CTTNBP2: variants seen among roughly 807,000 people sequenced by gnomAD.
The protein encoded by CTTNBP2 is cortactin-binding protein 2.
CTTNBP2 carries 108 observed loss-of-function variants against 156.9 expected under a neutral mutation model. The observed-to-expected ratio is 0.69, with a 90% confidence interval of 0.59 to 0.81. The LOEUF is 0.81. CTTNBP2 is among the 30% of genes least tolerant of loss of function. The pLI is 0.00. For synonymous variants in CTTNBP2, 767 were observed against 751.8 expected, an observed-to-expected ratio of 1.02 and a Z score of -0.33; for missense variants, 1,924 against 2,035.4, an observed-to-expected ratio of 0.95 and a Z score of 1.05.
At chr7:117,795,888 A>G (rs1799286346) in intron 3 of CTTNBP2, among the ~76,000 whole-genome samples, 1 of 152,168 alleles carries the variant, frequency 6.6e-6, no homozygotes. Context: ...ACATGGCTCT[A>G]AACTCAAACT....
At chr7:117,754,365 C>T (rs1423330702) in intron 12 of CTTNBP2, among the ~76,000 whole-genome samples, 2 of 152,206 alleles carry the variant, frequency 1.3e-5, no homozygotes, top group Non-Finnish European at 2.9e-5. Flanking sequence ...CATCACATTA[C>T]ATGTGCATTT....
chr7:117,723,965 A>G (rs1313503009), intron 19 of CTTNBP2, among the ~76,000 whole-genome samples: 15 of 151,910 alleles, frequency 9.9e-5, no homozygotes, highest in African/African-American at 3.4e-4. Context: ...CCTGACCTCA[A>G]GCTATCCACT....
At chr7:117,811,770 G>A (rs904329426) in intron 2 of CTTNBP2, among the ~76,000 whole-genome samples, 16 of 151,142 alleles carry the variant, frequency 1.1e-4, no homozygotes, top group Admixed American at 4.6e-4. Flanking sequence ...AAATCACATG[G>A]ATGTCTGGTA....
At chr7:117,835,581 C>A (rs1362373220) in intron 2 of CTTNBP2, among the ~76,000 whole-genome samples, 1 of 152,206 alleles carries the variant, frequency 6.6e-6, no homozygotes, top group Non-Finnish European at 1.5e-5. Flanking sequence ...TGTTATCGAC[C>A]ATGTGGCCAC....
At chr7:117,858,252 C>T (rs1803470037) in intron 2 of CTTNBP2, among the ~76,000 whole-genome samples, 2 of 152,158 alleles carry the variant, frequency 1.3e-5, no homozygotes, top group South Asian at 2.1e-4. Context: ...CACCTGTAGT[C>T]CCAGCTACTT....
At chr7:117,775,276 T>C (rs1200013546) in intron 8 of CTTNBP2, among the ~76,000 whole-genome samples, 1 of 152,178 alleles carries the variant, frequency 6.6e-6, no homozygotes, top group Non-Finnish European at 1.5e-5. Flanking sequence ...AAATTCATCT[T>C]GTGCTTCTTA....
Position 117,791,599 on chromosome 7 carries a change from C to A in CTTNBP2, c.1597G>T (p.Gly533Cys), listed in dbSNP as rs758906444. The part of the protein sequence containing the change: ...PVGRTSLKTH[G>C]VARVDRGNPP... ...TTTCCTCTGTCAACTCGTGCTACAC[C>A]ATGAGTCTTTAAACTGGTCCGACCA... Residue 533 changes from glycine to cysteine, a missense_variant, in exon 4 of 23, where the codon GGT (glycine) becomes TGT (cysteine). Transcript: ENST00000160373. 6.2e-7 allele frequency: 1 copy of A among 1,614,162 alleles called. No individual in the cohort carries two copies. Among genetic ancestry groups the A allele is most frequent in the South Asian group, 1.1e-5 (1 of 91,086 alleles).
At position 117,760,691 on chromosome 7, in the gene CTTNBP2, T is replaced by C; in HGVS notation, c.2916A>G (p.Leu972=). The part of the protein sequence containing the change: ...LENLNALKIP[L]RISVGEIEPS... The stretch of plus-strand genomic sequence containing the variant: ...GTTCAATCTCACCCACTGAAATCCT[T>C]AAGGGTATTTTAAGAGCATCTGTTA... Residue 972 remains leucine, a synonymous_variant, in exon 10 of 23, where the codon TTA becomes TTG. Transcript: ENST00000160373. 6.2e-7 allele frequency: 1 copy of C among 1,610,516 alleles called. No individual in the cohort carries two copies. Among genetic ancestry groups the C allele is most frequent in the South Asian group, 1.1e-5 (1 of 91,034 alleles).
chr7:117,711,723 A>G lies in CTTNBP2; in HGVS notation c.4806T>C (p.Thr1602=), dbSNP rs1475648756. 2 of 1,614,022 alleles carry G rather than the reference A, an allele frequency of 1.2e-6. No homozygotes were observed. The stretch of plus-strand genomic sequence containing the variant: ...ATTTAACTCTTGAAACACCCAACTC[A>G]GTCTTTGATTTACTGTTGCTGCATT... ...TTECSNSKSK[T]ELGVSRVKSF... Residue 1602 remains threonine, a synonymous_variant, in exon 23 of 23, where the codon ACT becomes ACC. Coordinates refer to ENST00000160373, the MANE Select transcript of CTTNBP2 (RefSeq NM_033427.3).
At chr7:117,861,147 C>T in intron 2 of CTTNBP2, 62 bp downstream of exon 2, 1 of 954,754 alleles carries the variant, frequency 1.0e-6, no homozygotes, top group Non-Finnish European at 1.6e-6. Flanking sequence ...GAAGGTTTGC[C>T]AATGGCTCTT....
At chr7:117,756,875 C>A (rs1223096064) in intron 11 of CTTNBP2, among the ~76,000 whole-genome samples, 1 of 152,188 alleles carries the variant, frequency 6.6e-6, no homozygotes, top group Non-Finnish European at 1.5e-5. Context: ...CCTTCCTCCA[C>A]CCCCTGGGAT....
At chr7:117,859,971 C>T (rs1803601507) in intron 2 of CTTNBP2, among the ~76,000 whole-genome samples, 1 of 152,186 alleles carries the variant, frequency 6.6e-6, no homozygotes, top group African/African-American at 2.4e-5. Flanking sequence ...TGTCCACCCT[C>T]TCCATTATTA....
intron 10 of CTTNBP2, 89 bp from the exon 11 acceptor site, chr7:117,758,059 C>T (rs1796987352): frequency 1.1e-6 from 1 of 912,428 alleles, no homozygotes; most frequent in South Asian, 1.6e-5. Flanking sequence ...TCTGTGAGAA[C>T]CCTAAGGAAT....
chr7:117,781,598 T>A (rs1798437422), intron 6 of CTTNBP2, among the ~76,000 whole-genome samples: 3 of 152,208 alleles, frequency 2.0e-5, no homozygotes, highest in Non-Finnish European at 4.4e-5. Context: ...ATTATCTGGG[T>A]GTGGTGGCGT....
At chr7:117,746,733 T>C (rs1796354069) in intron 12 of CTTNBP2, among the ~76,000 whole-genome samples, 1 of 152,198 alleles carries the variant, frequency 6.6e-6, no homozygotes, top group Non-Finnish European at 1.5e-5. Context: ...TTTTGATGAG[T>C]ATAAAACTCA....
intron 2 of CTTNBP2, among the ~76,000 whole-genome samples, chr7:117,819,015 G>C (rs1405564704): frequency 6.6e-6 from 1 of 152,084 alleles, no homozygotes; most frequent in Non-Finnish European, 1.5e-5. Flanking sequence ...GAAGGTCCTT[G>C]GCTTCTAAAC....
chr7:117,711,488 T>A lies in CTTNBP2; in HGVS notation c.*49A>T. 1 of 1,556,496 alleles carries A rather than the reference T, an allele frequency of 6.4e-7. No homozygotes were observed. Among genetic ancestry groups the A allele is most frequent in the Non-Finnish European group, 8.7e-7 (1 of 1,153,324 alleles). ...GGTATTTGTATCTTGTTGTCCTTGGTTTCTGTGTGAAATAGAGGAAGTTAA... is the reference window on the plus strand; with the variant it reads ...GGTATTTGTATCTTGTTGTCCTTGGATTCTGTGTGAAATAGAGGAAGTTAA... On this transcript the variant is annotated 3_prime_UTR_variant, in exon 23 of 23. Coordinates refer to ENST00000160373, the MANE Select transcript of CTTNBP2 (RefSeq NM_033427.3).
chr7:117,744,309 C>T lies in CTTNBP2; in HGVS notation c.3535+1522G>A, dbSNP rs537753379. Among the ~76,000 whole-genome samples, 18 of 152,212 alleles carry T rather than the reference C, an allele frequency of 1.2e-4. 1 individual carries two copies. In the South Asian group the frequency reaches 3.7e-3, roughly 32 times the overall value. ...ATTTTTTCAGAACCCATTAACCACC[C>T]CCACCTACTCCCCAACACCCAACAC... On this transcript the variant is annotated intron_variant, in intron 14 of 22. Coordinates refer to ENST00000160373, the MANE Select transcript of CTTNBP2 (RefSeq NM_033427.3).
rs199681255 is a variant in CTTNBP2 at position 117,784,378 on chromosome 7, C to G, written c.2145G>C (p.Gln715His). ...APLAGRPTLL[Q>H]QAAAQGNVTL... ...TGACATTTCCCTGGGCAGCAGCTTG[C>G]TGAAGAAGGGTGGGCCTGCCAGCCA... Residue 715 changes from glutamine to histidine, a missense_variant, in exon 5 of 23, where the codon CAG (glutamine) becomes CAC (histidine). Gln to His is a conservative substitution (Grantham distance 24, BLOSUM62 0). Coordinates refer to ENST00000160373, the MANE Select transcript of CTTNBP2 (RefSeq NM_033427.3). 23 of 1,613,510 alleles carry G rather than the reference C, an allele frequency of 1.4e-5. No homozygotes were observed. The highest frequency in any genetic ancestry group is 2.5e-6 in the Non-Finnish European group (3 of 1,179,862).
Sources: allele counts gnomAD v4.1 joint callset (sites outside exome capture counted in the v4.1 genomes callset), GRCh38; gene constraint gnomAD v4.1.1; transcripts MANE v1.5; gene names NCBI Gene and HGNC (gene_info 2026-07-23, HGNC 2026-07-21).